The following RIMS1 variants were observed in gnomAD, a reference collection of about 807,000 sequenced individuals.
RIMS1 encodes regulating synaptic membrane exocytosis protein 1.
Under a neutral mutation model 214.1 loss-of-function variants are expected in RIMS1, and 83 were observed. The observed-to-expected ratio is 0.39, with a 90% CI of 0.32 to 0.47. The LOEUF is 0.47. RIMS1 is among the 20% of genes least tolerant of loss of function. RIMS1 has a pLI of 0.99. For synonymous variants in RIMS1, 793 were observed against 786.8 expected (o/e 1.01, Z -0.13); for missense variants, 2,050 against 2,161.8 (o/e 0.95, Z 1.03).
At chr6:72,233,883 G>A (rs2063014224) in intron 7 of RIMS1, 43 bp downstream of exon 7, 1 of 1,293,278 alleles carries the variant, frequency 7.7e-7, no homozygotes, top group Non-Finnish European at 1.1e-6. Flanking sequence ...GGGAATATGT[G>A]TGCTCGTTAA....
chr6:72,164,649 AT>A (rs2046005019), intron 4 of RIMS1, among the ~76,000 whole-genome samples: 1 of 152,168 alleles, frequency 6.6e-6, no homozygotes, highest in African/African-American at 2.4e-5. Context: ...AATGTCTCTC[AT>A]TGGTTTATTA....
At chr6:71,922,201 A>G (rs1780207947) in intron 1 of RIMS1, among the ~76,000 whole-genome samples, 1 of 152,206 alleles carries the variant, frequency 6.6e-6, no homozygotes, top group Non-Finnish European at 1.5e-5. Flanking sequence ...TGTAAAGTGT[A>G]CAATTCAATG....
intron 2 of RIMS1, among the ~76,000 whole-genome samples, chr6:71,984,773 ATATCTATCTATCTATCTATCTATC>A (rs70994108): frequency 6.1e-5 from 9 of 146,642 alleles, no homozygotes; most frequent in East Asian, 4.2e-4. Context: ...ATGTATGTAC[ATATCTATCTATCTATCTATCTATC>A]TATCTATCTA....
At chr6:72,199,051 G>A (rs1442857046) in intron 6 of RIMS1, among the ~76,000 whole-genome samples, 1 of 152,012 alleles carries the variant, frequency 6.6e-6, no homozygotes, top group African/African-American at 2.4e-5. Context: ...GCAAAAAGAA[G>A]TTTGTTCAGA....
At chr6:71,982,080 T>C (rs528158617) in intron 2 of RIMS1, among the ~76,000 whole-genome samples, 3 of 152,280 alleles carry the variant, frequency 2.0e-5, no homozygotes, top group African/African-American at 4.8e-5. Flanking sequence ...GTAGAGGATA[T>C]GGAGGATCAG....
chr6:71,983,217 T>C (rs1006830939), intron 2 of RIMS1, among the ~76,000 whole-genome samples: 1 of 152,196 alleles, frequency 6.6e-6, no homozygotes, highest in Non-Finnish European at 1.5e-5. Context: ...GGATCTGCTG[T>C]AAGTTTATGA....
At chr6:72,001,403 T>G (rs1238714994) in intron 2 of RIMS1, among the ~76,000 whole-genome samples, 1 of 152,198 alleles carries the variant, frequency 6.6e-6, no homozygotes, top group Non-Finnish European at 1.5e-5. Context: ...TAATTGGCAT[T>G]TTGTTCTCTA....
At chr6:72,372,892 A>T (rs951090923) in intron 29 of RIMS1, among the ~76,000 whole-genome samples, 6 of 152,242 alleles carry the variant, frequency 3.9e-5, no homozygotes, top group African/African-American at 1.2e-4. Flanking sequence ...GGAGTGTAAC[A>T]ATGTGTGTGA....
At chr6:72,047,450 A>C (rs1161607077) in intron 2 of RIMS1, among the ~76,000 whole-genome samples, 10 of 152,140 alleles carry the variant, frequency 6.6e-5, no homozygotes, top group Non-Finnish European at 1.3e-4. Context: ...CCTTATTTTA[A>C]TTTTCACCAG....
At chr6:72,286,426 A>G (rs956482427) in intron 24 of RIMS1, among the ~76,000 whole-genome samples, 6 of 152,214 alleles carry the variant, frequency 3.9e-5, no homozygotes, top group Non-Finnish European at 5.9e-5. Context: ...CAGAATAGCA[A>G]GGATTTGATT....
chr6:72,144,183 G>A (rs1170176723), intron 4 of RIMS1, among the ~76,000 whole-genome samples: 1 of 152,140 alleles, frequency 6.6e-6, no homozygotes, highest in African/African-American at 2.4e-5. Flanking sequence ...TATTCAAGCA[G>A]TTGGCCATTA....
At chr6:71,927,765 G>T (rs765265992) in intron 1 of RIMS1, among the ~76,000 whole-genome samples, 7 of 151,962 alleles carry the variant, frequency 4.6e-5, no homozygotes, top group Non-Finnish European at 7.4e-5. Context: ...ATTAGCATCA[G>T]TATCCTAAAA....
At chr6:72,202,393 G>A (rs537400621) in intron 6 of RIMS1, among the ~76,000 whole-genome samples, 1 of 152,198 alleles carries the variant, frequency 6.6e-6, no homozygotes, top group Admixed American at 6.5e-5. Flanking sequence ...ACTTTTCTCT[G>A]TATCTTCTCA....
At chr6:72,288,304 A>G (rs1223472676) in intron 24 of RIMS1, among the ~76,000 whole-genome samples, 6 of 152,246 alleles carry the variant, frequency 3.9e-5, no homozygotes, top group Non-Finnish European at 8.8e-5. Flanking sequence ...AAAAAGGTAC[A>G]TATGTATATA....
intron 1 of RIMS1, among the ~76,000 whole-genome samples, chr6:71,929,794 A>T (rs1562216752): frequency 6.6e-6 from 1 of 152,138 alleles, no homozygotes; most frequent in Non-Finnish European, 1.5e-5. Flanking sequence ...ATTAAAATTA[A>T]TGGGACTGGC....
intron 29 of RIMS1, among the ~76,000 whole-genome samples, chr6:72,375,336 C>T (rs968537683): frequency 3.3e-5 from 5 of 152,194 alleles, no homozygotes; most frequent in African/African-American, 1.2e-4. Context: ...ACTAATAACT[C>T]GTTCTATACC....
chr6:72,284,976 G>C (rs1020238936), intron 24 of RIMS1, among the ~76,000 whole-genome samples: 1 of 152,128 alleles, frequency 6.6e-6, no homozygotes. Flanking sequence ...ATTCTGAGAG[G>C]GGACAACGTG....
intron 2 of RIMS1, among the ~76,000 whole-genome samples, chr6:72,046,639 C>A (rs1448517284): frequency 6.6e-6 from 1 of 152,002 alleles, no homozygotes; most frequent in East Asian, 1.9e-4. Context: ...GGGTTCAGGG[C>A]AGGTGCCAGT....
intron 4 of RIMS1, among the ~76,000 whole-genome samples, chr6:72,166,303 T>G (rs1364253969): frequency 6.6e-6 from 1 of 150,860 alleles, no homozygotes; most frequent in African/African-American, 2.4e-5. Flanking sequence ...GGTGTCTGTT[T>G]TTTTTTTTTT....
Sources: allele counts gnomAD v4.1 joint callset (sites outside exome capture counted in the v4.1 genomes callset), GRCh38; gene constraint gnomAD v4.1.1; transcripts MANE v1.5; gene names NCBI Gene and HGNC (gene_info 2026-07-23, HGNC 2026-07-21).